GRM7: variants seen among roughly 807,000 people sequenced by gnomAD.
GRM7 encodes metabotropic glutamate receptor 7.
In GRM7, 35 loss-of-function variants were observed where a neutral mutation model predicts 84.5. That is an observed-to-expected ratio of 0.41 (90% CI 0.32 to 0.55). The LOEUF is 0.55. Among genes scored for constraint, GRM7 ranks in the 20% least tolerant of loss-of-function variants. The probability of loss-of-function intolerance (pLI) is 0.19; values close to 1 mark genes in which losing one functional copy is unlikely to be tolerated. For synonymous variants in GRM7, 487 were observed against 455.1 expected (o/e 1.07, Z -0.89); for missense variants, 1,003 against 1,194.6 (o/e 0.84, Z 2.36).
rs546583801 is a variant in GRM7 at position 7,299,281 on chromosome 3, T to C, written c.878+456T>C. On this transcript the variant is annotated intron_variant, in intron 3 of 9. Transcript: ENST00000357716. ...TTTCTTTTCAGAACTTGATCTTTCTTGGACTCAAAAATCTGCTTGTAATCT... is the reference window on the plus strand; with the variant it reads ...TTTCTTTTCAGAACTTGATCTTTCTCGGACTCAAAAATCTGCTTGTAATCT... 2.0e-5 allele frequency among the ~76,000 whole-genome samples: 3 copies of C among 152,264 alleles called. No individual in the cohort carries two copies. In the East Asian group the frequency reaches 5.8e-4, roughly 29 times the overall value.
At chr3:7,161,663 G>A (rs1694628097) in intron 2 of GRM7, among the ~76,000 whole-genome samples, 1 of 152,134 alleles carries the variant, frequency 6.6e-6, no homozygotes, top group Admixed American at 6.5e-5. Flanking sequence ...GAATATATTA[G>A]TAACAATATT....
At chr3:7,122,604 A>T (rs1471062903) in intron 1 of GRM7, among the ~76,000 whole-genome samples, 1 of 152,174 alleles carries the variant, frequency 6.6e-6, no homozygotes, top group African/African-American at 2.4e-5. Flanking sequence ...TGGTGGTAAA[A>T]TGCTCTGAAA....
At chr3:7,148,999 T>C (rs1694195047) in intron 2 of GRM7, among the ~76,000 whole-genome samples, 2 of 152,232 alleles carry the variant, frequency 1.3e-5, no homozygotes, top group East Asian at 1.9e-4. Flanking sequence ...ATAAGTATTC[T>C]TCTTTTATAC....
chr3:7,111,179 G>T (rs1692837807), intron 1 of GRM7, among the ~76,000 whole-genome samples: 2 of 151,950 alleles, frequency 1.3e-5, no homozygotes, highest in South Asian at 2.1e-4. Flanking sequence ...GAAGGTGCTG[G>T]TATGTCCATA....
chr3:6,982,404 A>G (rs1252042236), intron 1 of GRM7, among the ~76,000 whole-genome samples: 1 of 152,182 alleles, frequency 6.6e-6, no homozygotes, highest in African/African-American at 2.4e-5. Context: ...TGACATTTTG[A>G]TCAGTCATAA....
chr3:7,446,736 T>A (rs925700097), intron 5 of GRM7, among the ~76,000 whole-genome samples: 16 of 152,132 alleles, frequency 1.1e-4, no homozygotes, highest in African/African-American at 3.1e-4. Flanking sequence ...CTGGGATTAC[T>A]GGCGTGAGCT....
chr3:7,602,988 C>T (rs1696393747), intron 8 of GRM7, among the ~76,000 whole-genome samples: 1 of 152,068 alleles, frequency 6.6e-6, no homozygotes, highest in African/African-American at 2.4e-5. Context: ...CAGAATGAGT[C>T]ATATTTTATA....
At chr3:7,622,859 C>T (rs7625513) in intron 8 of GRM7, among the ~76,000 whole-genome samples, 3,432 of 152,176 alleles carry the variant, frequency 0.023, 145 homozygotes, top group African/African-American at 0.077. Context: ...TCCTCTGACC[C>T]TGATGGTATG....
intron 5 of GRM7, among the ~76,000 whole-genome samples, chr3:7,439,101 G>C (rs1267976736): frequency 6.6e-6 from 1 of 152,016 alleles, no homozygotes; most frequent in African/African-American, 2.4e-5. Flanking sequence ...GGAAAATATG[G>C]ATCCCAAACC....
At chr3:7,504,597 A>G (rs144409018) in intron 7 of GRM7, among the ~76,000 whole-genome samples, 173 of 152,354 alleles carry the variant, frequency 1.1e-3, no homozygotes, top group African/African-American at 4.0e-3. Context: ...AGAGCATCAC[A>G]TGATAAGAAA....
intron 1 of GRM7, among the ~76,000 whole-genome samples, chr3:7,048,289 T>G (rs960107758): frequency 6.6e-6 from 1 of 151,970 alleles, no homozygotes; most frequent in Non-Finnish European, 1.5e-5. Context: ...CCATCTGACA[T>G]TGGGGAATTA....
intron 9 of GRM7, among the ~76,000 whole-genome samples, chr3:7,732,574 C>T (rs1388711486): frequency 1.3e-5 from 2 of 152,142 alleles, no homozygotes; most frequent in African/African-American, 4.8e-5. Context: ...GAGGGAAAAA[C>T]TAGTGTGAGG....
chr3:7,492,736 T>G (rs1405536473), intron 7 of GRM7, among the ~76,000 whole-genome samples: 1 of 152,130 alleles, frequency 6.6e-6, no homozygotes. Context: ...TGCTTTGGGT[T>G]TATTCTGTTC....
chr3:7,122,373 T>A (rs930532924), intron 1 of GRM7, among the ~76,000 whole-genome samples: 6 of 152,180 alleles, frequency 3.9e-5, no homozygotes, highest in Admixed American at 3.3e-4. Flanking sequence ...AAATAATGAT[T>A]GAAAATGTAA....
At chr3:7,508,869 C>T (rs965787103) in intron 7 of GRM7, among the ~76,000 whole-genome samples, 1 of 152,070 alleles carries the variant, frequency 6.6e-6, no homozygotes, top group Non-Finnish European at 1.5e-5. Flanking sequence ...AATAGGCATT[C>T]CTAAGTCCAT....
chr3:7,585,131 A>T (rs1483563833), intron 8 of GRM7, among the ~76,000 whole-genome samples: 1 of 152,216 alleles, frequency 6.6e-6, no homozygotes, highest in African/African-American at 2.4e-5. Context: ...GTTTTTGCTG[A>T]TGCCATTTGT....
chr3:7,110,571 G>A (rs1692810636), intron 1 of GRM7, among the ~76,000 whole-genome samples: 1 of 148,934 alleles, frequency 6.7e-6, no homozygotes, highest in East Asian at 2.0e-4. Context: ...CTCCAACCTG[G>A]GCAAGAGAGC....
chr3:7,405,284 C>G (rs1239629961), intron 4 of GRM7, among the ~76,000 whole-genome samples: 1 of 152,050 alleles, frequency 6.6e-6, no homozygotes. Flanking sequence ...AAGCACCAAG[C>G]TAGAAAGAGG....
At chr3:7,172,642 C>G (rs1695023261) in intron 2 of GRM7, among the ~76,000 whole-genome samples, 1 of 146,572 alleles carries the variant, frequency 6.8e-6, no homozygotes, top group African/African-American at 2.5e-5. Flanking sequence ...AACTTAACTT[C>G]TGATGTTGAA....
Sources: allele counts gnomAD v4.1 joint callset (sites outside exome capture counted in the v4.1 genomes callset), GRCh38; gene constraint gnomAD v4.1.1; transcripts MANE v1.5; gene names NCBI Gene and HGNC (gene_info 2026-07-23, HGNC 2026-07-21).